The following GUCY1A1 variants were observed in gnomAD, a reference collection of about 807,000 sequenced individuals.
GUCY1A1 encodes guanylate cyclase soluble subunit alpha-1.
In GUCY1A1, 48 loss-of-function variants were observed where a neutral mutation model predicts 64.5. That is an observed-to-expected ratio of 0.74 (90% CI 0.59 to 0.95). The LOEUF (loss-of-function observed/expected upper bound fraction) is 0.95. GUCY1A1 is among the 40% of genes least tolerant of loss of function. GUCY1A1 has a pLI of 0.00. For synonymous variants in GUCY1A1, 308 were observed against 303.4 expected, an observed-to-expected ratio of 1.02 and a Z score of -0.16; for missense variants, 804 against 825.3, an observed-to-expected ratio of 0.97 and a Z score of 0.32.
intron 7 of GUCY1A1, among the ~76,000 whole-genome samples, chr4:155,714,121 G>A (rs1165853098): frequency 6.6e-6 from 1 of 152,112 alleles, no homozygotes; most frequent in East Asian, 1.9e-4. Context: ...ACCTACTTAA[G>A]GCATTTTTGC....
rs538697331 is a variant in GUCY1A1 at position 155,736,188 on chromosome 4, A to G, written c.*5957A>G. ...GACTGATACATGCTGCTCTCAATCC[A>G]TATACTACATATTAGGACAGCTTTT... is the stretch of plus-strand genomic sequence containing the variant. On this transcript the variant is annotated 3_prime_UTR_variant, in exon 10 of 10. Transcript: ENST00000506455. 3.9e-5 allele frequency: 6 copies of G among 152,064 alleles called. No individual in the cohort carries two copies. The South Asian group carries it at 1.0e-3, about 26-fold the overall frequency. The allele number at this position is 152,064 out of a possible 1,614,324, so 9.4% of individuals were successfully genotyped here.
rs537356154 is a variant in GUCY1A1, at chr4:155,713,654, C to G, written c.1572+71C>G. The G allele has an allele frequency of 4.6e-6, 7 of 1,528,402 alleles. No individual in the cohort carries two copies. In the African/African-American group the frequency reaches 8.2e-5, roughly 18 times the overall value. The allele number at this position is 1,528,402 out of a possible 1,614,324, so 94.7% of individuals were successfully genotyped here. A position where few individuals can be genotyped will look rare whatever the true frequency, so the allele number is the denominator to read the frequency against. ...GGGGAACAAGCACTGTGCCTAGGAC[C>G]TGAATTATAATGCAACTGAAAGGCC... On this transcript the variant is annotated intron_variant, in intron 7 of 9. Coordinates refer to ENST00000506455, the MANE Select transcript of GUCY1A1 (RefSeq NM_001130682.3).
In GUCY1A1 at chr4:155,730,420, A is replaced by T; in HGVS notation, c.*189A>T. ...CACTTCAGTACTTCAGCTCTTCAAG[A>T]AAAAAAAAAAAAACCTTAAAAAGCT... On this transcript the variant is annotated 3_prime_UTR_variant, in exon 10 of 10. Transcript: ENST00000506455. 3 of 32,946 alleles carry T rather than the reference A, an allele frequency of 9.1e-5. No individual in the cohort carries two copies. The highest frequency in any genetic ancestry group is 1.2e-4 in the Non-Finnish European group (2 of 16,088). 2.0% of individuals were successfully genotyped at this position (32,946 alleles called of 1,614,324 possible).
Position 155,708,273 on chromosome 4 carries a change from G to T in GUCY1A1, c.355G>T (p.Ala119Ser). 1.3e-6 allele frequency: 2 copies of T among 1,552,410 alleles called. No homozygotes were observed. Among genetic ancestry groups the T allele is most frequent in the African/African-American group, 1.4e-5 (1 of 73,800 alleles). The change falls in exon 5 of 10, where the codon GCA (alanine) becomes TCA (serine). Residue 119 changes from alanine (A) to serine (S), a missense_variant. Physicochemically the swap from Ala to Ser is moderately conservative, Grantham distance 99 (BLOSUM62 1). Coordinates refer to ENST00000506455, the MANE Select transcript of GUCY1A1 (RefSeq NM_001130682.3). Reference protein sequence around the residue: ...LEREDFEKTIAEQAVAAGVPV... With the variant: ...LEREDFEKTISEQAVAAGVPV... ...AAGAGAAGACTTTGAAAAAACAATT[G>T]CAGAGCAAGCAGTTGCAGCAGGTAA...
Position 155,713,079 on chromosome 4 carries a change from G to T in GUCY1A1, c.1087-19G>T, listed in dbSNP as rs373873803. On this transcript the variant is annotated intron_variant, in intron 6 of 9. Transcript: ENST00000506455. ...GGGAAACTTGAATAAACCACAATTG[G>T]TTATCCTTTCCTTCATAGGTTATGG... 7.0e-6 allele frequency: 11 copies of T among 1,581,190 alleles called. No individual in the cohort carries two copies. The African/African-American group carries it at 1.2e-4, about 18-fold the overall frequency.
chr4:155,719,185 A>G (rs17033402), intron 8 of GUCY1A1, among the ~76,000 whole-genome samples: 31,664 of 152,066 alleles, frequency 0.21, 3,741 homozygotes, highest in African/African-American at 0.32. Flanking sequence ...GCTAGTTTCA[A>G]AGATAGTTAC....
intron 2 of GUCY1A1, among the ~76,000 whole-genome samples, chr4:155,675,027 A>G (rs1734702672): frequency 6.6e-6 from 1 of 151,494 alleles, no homozygotes. Flanking sequence ...TCACTAAGGA[A>G]TGGGAATTTT....
intron 2 of GUCY1A1, among the ~76,000 whole-genome samples, chr4:155,672,638 C>A (rs1265899339): frequency 1.3e-5 from 2 of 152,132 alleles, no homozygotes; most frequent in Non-Finnish European, 1.5e-5. Context: ...TAGATAACAG[C>A]ACTTCACATT....
intron 3 of GUCY1A1, among the ~76,000 whole-genome samples, chr4:155,699,149 G>A (rs72972413): frequency 0.03 from 4,525 of 152,054 alleles, 232 homozygotes; most frequent in African/African-American, 0.1. Flanking sequence ...ATTGGTGCCT[G>A]CACACTTGAG....
At position 155,730,260 on chromosome 4, in the gene GUCY1A1, G is replaced by T; in HGVS notation, c.*29G>T. The T allele has an allele frequency of 7.0e-7, 1 of 1,421,046 alleles. No individual in the cohort carries two copies. The highest frequency in any genetic ancestry group is 9.9e-7 in the Non-Finnish European group (1 of 1,006,510). The allele number at this position is 1,421,046 out of a possible 1,614,324, so 88.0% of individuals were successfully genotyped here. ...CCTATATACCTATTTATAAGTCTTT[G>T]GGGTTTGACTCATTGAAGATGTGTA... is the stretch of plus-strand genomic sequence containing the variant. On this transcript the variant is annotated 3_prime_UTR_variant, in exon 10 of 10. Coordinates refer to ENST00000506455, the MANE Select transcript of GUCY1A1 (RefSeq NM_001130682.3).
Position 155,734,089 on chromosome 4 carries a change from G to A in GUCY1A1, c.*3858G>A, listed in dbSNP as rs559696467. ...TCTTCTCCCTGATATTTCCAGCCACGCCAAGGCAAAGACTTCCCAGCTCTG... is the reference window on the plus strand; with the variant it reads ...TCTTCTCCCTGATATTTCCAGCCACACCAAGGCAAAGACTTCCCAGCTCTG... On this transcript the variant is annotated 3_prime_UTR_variant, in exon 10 of 10. Coordinates refer to ENST00000506455, the MANE Select transcript of GUCY1A1 (RefSeq NM_001130682.3). 2.1e-4 allele frequency among the ~76,000 whole-genome samples: 32 copies of A among 151,918 alleles called. No homozygotes were observed. The highest frequency in any genetic ancestry group is 6.5e-4 in the African/African-American group (27 of 41,480).
At chr4:155,672,598 G>C (rs1734295933) in intron 2 of GUCY1A1, among the ~76,000 whole-genome samples, 1 of 152,178 alleles carries the variant, frequency 6.6e-6, no homozygotes, top group South Asian at 2.1e-4. Flanking sequence ...AGTTGACAAG[G>C]ATAGGTTCCT....
intron 2 of GUCY1A1, among the ~76,000 whole-genome samples, chr4:155,676,247 T>C (rs1734910472): frequency 6.7e-6 from 1 of 149,064 alleles, no homozygotes; most frequent in Non-Finnish European, 1.5e-5. Context: ...ATACAGGGCT[T>C]AAATAGAAAG....
intron 4 of GUCY1A1, among the ~76,000 whole-genome samples, chr4:155,705,171 A>T (rs1731574563): frequency 6.6e-6 from 1 of 152,246 alleles, no homozygotes; most frequent in South Asian, 2.1e-4. Flanking sequence ...GATTACAGGC[A>T]TGCGCCACTG....
chr4:155,694,312 G>GC (rs1054100205), intron 2 of GUCY1A1, among the ~76,000 whole-genome samples: 1 of 152,038 alleles, frequency 6.6e-6, no homozygotes, highest in African/African-American at 2.4e-5. Flanking sequence ...TGAAGCCAGG[G>GC]CAGGAGGATT....
At chr4:155,723,327 G>A (rs1278387784) in intron 9 of GUCY1A1, among the ~76,000 whole-genome samples, 3 of 152,226 alleles carry the variant, frequency 2.0e-5, no homozygotes, top group Non-Finnish European at 2.9e-5. Context: ...GAGGAGCCAC[G>A]TGTCATCTAG....
At chr4:155,688,269 A>G (rs1401891163) in intron 2 of GUCY1A1, among the ~76,000 whole-genome samples, 2 of 151,866 alleles carry the variant, frequency 1.3e-5, no homozygotes, top group Non-Finnish European at 2.9e-5. Flanking sequence ...ATCATTACAG[A>G]AGAGGGAAAA....
chr4:155,668,361 G>A (rs1578980108), intron 2 of GUCY1A1, among the ~76,000 whole-genome samples: 4 of 152,222 alleles, frequency 2.6e-5, no homozygotes, highest in South Asian at 2.1e-4. Context: ...CTGGTTGAAG[G>A]CATCTTGATT....
At chr4:155,686,340 G>C (rs1337962595) in intron 2 of GUCY1A1, among the ~76,000 whole-genome samples, 1 of 152,134 alleles carries the variant, frequency 6.6e-6, no homozygotes, top group Non-Finnish European at 1.5e-5. Flanking sequence ...AATTAGCCGG[G>C]CGTGGTGGCG....
Sources: allele counts gnomAD v4.1 joint callset (sites outside exome capture counted in the v4.1 genomes callset), GRCh38; gene constraint gnomAD v4.1.1; transcripts MANE v1.5; gene names NCBI Gene and HGNC (gene_info 2026-07-23, HGNC 2026-07-21).